CSMD3: variants seen among roughly 807,000 people sequenced by gnomAD.
The protein encoded by CSMD3 is CUB and Sushi multiple domains 3, also known as CUB and sushi domain-containing protein 3.
In CSMD3, 177 loss-of-function variants were observed where a neutral mutation model predicts 435.2. That is an observed-to-expected ratio of 0.41 (90% CI 0.36 to 0.46). The LOEUF (loss-of-function observed/expected upper bound fraction) is 0.46, where lower values mean the gene tolerates loss of function less well. Ranked by LOEUF, CSMD3 falls within the 20% of genes least tolerant of loss-of-function variation. CSMD3 has a pLI of 0.34. For missense variants in CSMD3, 4,265 were observed against 4,504.6 expected (o/e 0.95, Z 1.52); for synonymous variants, 1,656 against 1,520.5 (o/e 1.09, Z -2.07).
At chr8:112,964,712 G>C (rs1165120016) in intron 7 of CSMD3, among the ~76,000 whole-genome samples, 1 of 151,648 alleles carries the variant, frequency 6.6e-6, no homozygotes, top group Non-Finnish European at 1.5e-5. Flanking sequence ...TCTGGGCTCT[G>C]GATAAAATTA....
chr8:112,410,640 A>ATATATATGTGTATATATATG (rs1563913212), intron 32 of CSMD3, among the ~76,000 whole-genome samples: 1 of 57,528 alleles, frequency 1.7e-5, no homozygotes. Context: ...ATATATATGT[A>ATATATATGTGTATATATATG]TATATATATG....
At chr8:113,139,970 G>T (rs2091508777) in intron 4 of CSMD3, among the ~76,000 whole-genome samples, 1 of 150,892 alleles carries the variant, frequency 6.6e-6, no homozygotes, top group South Asian at 2.1e-4. Context: ...ATAGTCTTTT[G>T]GGTTTATTAT....
At chr8:113,419,131 T>G (rs1186405933) in intron 1 of CSMD3, among the ~76,000 whole-genome samples, 1 of 151,414 alleles carries the variant, frequency 6.6e-6, no homozygotes, top group Non-Finnish European at 1.5e-5. Flanking sequence ...GTTTGTTTTT[T>G]TTTTTTTTTG....
At chr8:112,443,947 A>G (rs1280122718) in intron 32 of CSMD3, among the ~76,000 whole-genome samples, 2 of 152,202 alleles carry the variant, frequency 1.3e-5, no homozygotes, top group African/African-American at 4.8e-5. Context: ...TAAAGTAGGT[A>G]CAATATCTAT....
intron 8 of CSMD3, among the ~76,000 whole-genome samples, chr8:112,954,408 C>T (rs1002779569): frequency 6.6e-6 from 1 of 151,368 alleles, no homozygotes; most frequent in African/African-American, 2.4e-5. Flanking sequence ...CTTGAGTGTC[C>T]TCAAGACTTA....
At chr8:112,970,740 T>A (rs1008269972) in intron 7 of CSMD3, among the ~76,000 whole-genome samples, 37 of 151,020 alleles carry the variant, frequency 2.5e-4, no homozygotes, top group Admixed American at 6.6e-5. Flanking sequence ...TTTTTTTTTT[T>A]ATATGGAGCC....
At chr8:112,320,257 T>C (rs1295561246) in intron 45 of CSMD3, among the ~76,000 whole-genome samples, 2 of 152,114 alleles carry the variant, frequency 1.3e-5, no homozygotes, top group Non-Finnish European at 2.9e-5. Context: ...TTTCCTCCTT[T>C]GCATGATCAC....
intron 13 of CSMD3, among the ~76,000 whole-genome samples, chr8:112,780,254 G>A (rs546236465): frequency 4.6e-5 from 7 of 152,172 alleles, no homozygotes; most frequent in African/African-American, 1.7e-4. Flanking sequence ...AGATACAATA[G>A]TGTATAGTTC....
chr8:113,146,388 A>C (rs569107194), intron 4 of CSMD3, among the ~76,000 whole-genome samples: 1 of 151,658 alleles, frequency 6.6e-6, no homozygotes, highest in South Asian at 2.1e-4. Flanking sequence ...TAAGAGTATC[A>C]GTGACACAAC....
At chr8:112,878,030 C>T (rs563907351) in intron 10 of CSMD3, among the ~76,000 whole-genome samples, 1 of 152,026 alleles carries the variant, frequency 6.6e-6, no homozygotes, top group Admixed American at 6.6e-5. Context: ...TGAGTAAACA[C>T]CAAAAGCAAT....
At chr8:113,089,798 T>C (rs1201398512) in intron 5 of CSMD3, among the ~76,000 whole-genome samples, 3 of 152,108 alleles carry the variant, frequency 2.0e-5, no homozygotes, top group Non-Finnish European at 2.9e-5. Context: ...TCTCGAGAAC[T>C]GAAAATTCCA....
intron 59 of CSMD3, among the ~76,000 whole-genome samples, chr8:112,274,398 C>A (rs185601158): frequency 6.6e-5 from 10 of 152,218 alleles, no homozygotes; most frequent in Admixed American, 1.3e-4. Context: ...GCCCAGCAGA[C>A]TCCTTGAGTT....
chr8:112,370,612 A>G (rs1828297516), intron 38 of CSMD3, among the ~76,000 whole-genome samples: 1 of 152,126 alleles, frequency 6.6e-6, no homozygotes. Context: ...AGTAAGGTTT[A>G]TTCCTGCACC....
At chr8:112,763,695 A>AT (rs963600865) in intron 13 of CSMD3, among the ~76,000 whole-genome samples, 24 of 149,332 alleles carry the variant, frequency 1.6e-4, no homozygotes, top group East Asian at 3.9e-4. Context: ...TGCTATTATA[A>AT]TTTTTTTTTA....
Position 112,569,540 on chromosome 8 carries a change from T to C in CSMD3, c.4042+3961A>G, listed in dbSNP as rs576007207. Among the ~76,000 whole-genome samples, 4 of 152,292 alleles carry C rather than the reference T, an allele frequency of 2.6e-5. No individual in the cohort carries two copies. In the South Asian group the frequency reaches 6.2e-4, roughly 24 times the overall value. ...ACTTTAAAGGTCTGTTCTAACATACTTTTTTCATTTTATCTCAGCCAAATG... is the reference window on the plus strand; with the variant it reads ...ACTTTAAAGGTCTGTTCTAACATACCTTTTTCATTTTATCTCAGCCAAATG... On this transcript the variant is annotated intron_variant, in intron 24 of 70. Coordinates refer to ENST00000297405, the MANE Select transcript of CSMD3 (RefSeq NM_198123.2).
At chr8:112,908,131 A>T (rs2082311929) in intron 10 of CSMD3, among the ~76,000 whole-genome samples, 1 of 151,516 alleles carries the variant, frequency 6.6e-6, no homozygotes, top group Non-Finnish European at 1.5e-5. Flanking sequence ...AAATTTATTC[A>T]TTATTAATAT....
chr8:113,102,243 G>C (rs2090351409), intron 4 of CSMD3, among the ~76,000 whole-genome samples: 1 of 152,068 alleles, frequency 6.6e-6, no homozygotes, highest in Admixed American at 6.6e-5. Flanking sequence ...CAGAAAGTGG[G>C]GGGTTCACAG....
intron 12 of CSMD3, among the ~76,000 whole-genome samples, chr8:112,807,946 T>G (rs2132368730): frequency 6.6e-6 from 1 of 152,318 alleles, no homozygotes; most frequent in Admixed American, 6.5e-5. Flanking sequence ...TATTATTCAT[T>G]TGATTAATAG....
intron 1 of CSMD3, among the ~76,000 whole-genome samples, chr8:113,433,597 G>GA (rs1431604822): frequency 6.6e-6 from 1 of 152,186 alleles, no homozygotes. Context: ...AGAATCCCTG[G>GA]AAAGACGCTC....
Sources: gnomAD v4.1 joint callset for allele counts (sites outside exome capture counted in the v4.1 genomes callset) on GRCh38, gnomAD v4.1.1 for gene constraint, MANE v1.5 for transcripts, NCBI Gene and HGNC (gene_info 2026-07-23, HGNC 2026-07-21) for gene names.